Variants in GOLM2 observed in about 807,000 individuals in gnomAD.
The protein encoded by GOLM2 is golgi membrane protein 2.
GOLM2 carries 26 observed loss-of-function variants against 55.9 expected under a neutral mutation model. The ratio of observed to expected loss-of-function variants is 0.47; its 90% CI spans 0.34 to 0.65. GOLM2 has a LOEUF of 0.65. Ranked by LOEUF, GOLM2 falls within the 30% of genes least tolerant of loss-of-function variation. The pLI, the probability that GOLM2 is intolerant of heterozygous loss-of-function variation, is 0.01. For missense variants in GOLM2, 486 were observed against 531.8 expected (o/e 0.91, Z 0.85); for synonymous variants, 165 against 194.6 (o/e 0.85, Z 1.27).
At chr15:44,355,984 G>A (rs1412389492) in intron 6 of GOLM2, among the ~76,000 whole-genome samples, 1 of 151,990 alleles carries the variant, frequency 6.6e-6, no homozygotes, top group Non-Finnish European at 1.5e-5. Flanking sequence ...AATAATGCAT[G>A]GATCAAAGAA....
In GOLM2 at chr15:44,415,470, A is replaced by G. The variant is rs554174532; in HGVS notation, c.*2064A>G. 6.5e-6 allele frequency: 1 copy of G among 152,744 alleles called. No individual in the cohort carries two copies. The highest frequency in any genetic ancestry group is 1.9e-4 in the East Asian group (1 of 5,188). The allele number at this position is 152,744 out of a possible 1,614,324, so 9.5% of individuals were successfully genotyped here. On this transcript the variant is annotated 3_prime_UTR_variant, in exon 10 of 10. Transcript: ENST00000299957. ...TTGTAGCTATTACTTATACAGCAAC[A>G]TTTCTTCAATTAGCAGTCTAGACAT...
intron 1 of GOLM2, among the ~76,000 whole-genome samples, chr15:44,318,206 A>AT (rs1303091032): frequency 1.7e-4 from 26 of 151,862 alleles, no homozygotes; most frequent in Admixed American, 3.9e-4. Context: ...TCTTCTTTTG[A>AT]TTTTTTCCTT....
At chr15:44,319,005 C>T (rs1275641304) in intron 1 of GOLM2, among the ~76,000 whole-genome samples, 1 of 152,146 alleles carries the variant, frequency 6.6e-6, no homozygotes, top group African/African-American at 2.4e-5. Flanking sequence ...TCCTGCAGGA[C>T]TCATATCAGT....
chr15:44,292,650 G>C (rs2078729367), intron 1 of GOLM2, among the ~76,000 whole-genome samples: 1 of 152,110 alleles, frequency 6.6e-6, no homozygotes, highest in African/African-American at 2.4e-5. Flanking sequence ...ACAGCACTTG[G>C]TGTGCCACTT....
chr15:44,383,438 G>C (rs1036654583), intron 8 of GOLM2, among the ~76,000 whole-genome samples: 1 of 151,768 alleles, frequency 6.6e-6, no homozygotes, highest in Non-Finnish European at 1.5e-5. Flanking sequence ...TAAGTTTAGG[G>C]GTTTCTCTGT....
At chr15:44,385,060 A>T (rs1357481943) in intron 8 of GOLM2, among the ~76,000 whole-genome samples, 2 of 152,150 alleles carry the variant, frequency 1.3e-5, no homozygotes, top group East Asian at 3.9e-4. Context: ...AGTTGTATGG[A>T]TACATTTTGT....
intron 4 of GOLM2, among the ~76,000 whole-genome samples, chr15:44,334,759 CG>C (rs2079044854): frequency 6.6e-6 from 1 of 152,240 alleles, no homozygotes; most frequent in South Asian, 2.1e-4. Context: ...TAGCTGGGGG[CG>C]GTGGCTCACA....
rs557727414 is a variant in GOLM2, at chr15:44,383,131, A to G, written c.1072+2155A>G. On this transcript the variant is annotated intron_variant, in intron 8 of 9. Transcript: ENST00000299957. ...TATTCTGTATATATTATATACATAT[A>G]CAGAATATATGTATACATATACATA... Among the ~76,000 whole-genome samples, 10 of 151,188 alleles carry G rather than the reference A, an allele frequency of 6.6e-5. No homozygotes were observed. In the East Asian group the frequency reaches 1.7e-3, roughly 26 times the overall value.
chr15:44,332,525 A>C (rs921893819), intron 4 of GOLM2, among the ~76,000 whole-genome samples: 84 of 151,568 alleles, frequency 5.5e-4, no homozygotes, highest in East Asian at 2.7e-3. Context: ...ACACCACTGC[A>C]CTCCAGTCTG....
chr15:44,390,815 C>T (rs959510866), intron 8 of GOLM2, among the ~76,000 whole-genome samples: 9 of 152,010 alleles, frequency 5.9e-5, no homozygotes, highest in Non-Finnish European at 1.3e-4. Context: ...GTGATCCGCC[C>T]GCCTCAGCCT....
chr15:44,289,473 C>A lies in GOLM2; in HGVS notation c.327+117C>A. The A allele has an allele frequency of 1.1e-6, 1 of 909,136 alleles. No homozygotes were observed. The highest frequency in any genetic ancestry group is 1.6e-6 in the Non-Finnish European group (1 of 612,074). The allele number at this position is 909,136 out of a possible 1,614,324, so 56.3% of individuals were successfully genotyped here. A position where few individuals can be genotyped will look rare whatever the true frequency, so the allele number is the denominator to read the frequency against. The stretch of plus-strand genomic sequence containing the variant: ...CCTTCCAGTATTTCAGTCCTGAAGG[C>A]TCCTTTCACCCCCAACAACCCTGTT... On this transcript the variant is annotated intron_variant, in intron 1 of 9. Transcript: ENST00000299957. This position sits in a 1 kb window ranked among gnomAD's most constrained non-coding sequence, Gnocchi z 4.8.
intron 1 of GOLM2, chr15:44,308,092 A>T (rs1388776209): frequency 6.6e-6 from 1 of 152,208 alleles, no homozygotes; most frequent in Non-Finnish European, 1.5e-5. Context: ...TTACCATTTT[A>T]AGTGTATAAT....
At position 44,292,199 on chromosome 15, in the gene GOLM2, ATATT is replaced by A. The variant is rs1400689403; in HGVS notation, c.327+2845_327+2848del. On this transcript the variant is annotated intron_variant, in intron 1 of 9. Transcript: ENST00000299957. ...TGTATACATACATATATATATATATATATTTTTTTTTTTTTTTAGACAGAGTCTC... is the reference window on the plus strand; with the variant it reads ...TGTATACATACATATATATATATATATTTTTTTTTTTTTAGACAGAGTCTC... Among the ~76,000 whole-genome samples, 77 of 137,418 alleles carry A rather than the reference ATATT, an allele frequency of 5.6e-4. 1 individual carries two copies. The East Asian group carries it at 0.011, about 19-fold the overall frequency. The allele number at this position is 137,418 out of a possible 152,430, so 90.2% of individuals were successfully genotyped here.
chr15:44,307,172 G>A (rs2078843203), intron 1 of GOLM2: 1 of 154,480 alleles, frequency 6.5e-6, no homozygotes, highest in Admixed American at 6.6e-5. Context: ...TTATCATCAG[G>A]GACTTGTCTC....
intron 1 of GOLM2, among the ~76,000 whole-genome samples, chr15:44,296,190 A>T (rs994086278): frequency 3.3e-5 from 5 of 152,174 alleles, no homozygotes; most frequent in Admixed American, 1.3e-4. Context: ...AGTAGCTGAA[A>T]CTACAGGTGT....
intron 1 of GOLM2, among the ~76,000 whole-genome samples, chr15:44,319,133 T>C (rs1298691593): frequency 6.6e-6 from 1 of 152,212 alleles, no homozygotes; most frequent in Non-Finnish European, 1.5e-5. Flanking sequence ...TACGGTATTA[T>C]GATTGCCTAT....
chr15:44,337,671 A>G, intron 4 of GOLM2, 92 bp from the exon 5 acceptor site: 2 of 879,058 alleles, frequency 2.3e-6, no homozygotes, highest in East Asian at 2.9e-5. Context: ...ATGTTTTACA[A>G]GATGAACTGT....
chr15:44,371,399 T>C (rs1397207349), intron 6 of GOLM2, among the ~76,000 whole-genome samples: 1 of 152,092 alleles, frequency 6.6e-6, no homozygotes, highest in African/African-American at 2.4e-5. Flanking sequence ...AATAAATCCA[T>C]CTCTAAGTTT....
At position 44,402,415 on chromosome 15, in the gene GOLM2, C is replaced by T. The variant is rs137994276; in HGVS notation, c.1073-472C>T. Among the ~76,000 whole-genome samples the T allele has an allele frequency of 1.3e-4, 19 of 151,908 alleles. 1 individual carries two copies. In the East Asian group the frequency reaches 3.5e-3, roughly 28 times the overall value. ...CCATGTTTCCCAGGCTGGTCTCAAA[C>T]TCTTGAGCTCAAGCAATCCACCTAC... is the stretch of plus-strand genomic sequence containing the variant. On this transcript the variant is annotated intron_variant, in intron 8 of 9. Transcript: ENST00000299957.
Sources: gnomAD v4.1 joint callset for allele counts (sites outside exome capture counted in the v4.1 genomes callset) on GRCh38, gnomAD v4.1.1 for gene constraint, Gnocchi (gnomAD v3.1) non-coding constraint, MANE v1.5 for transcripts, NCBI Gene and HGNC (gene_info 2026-07-23, HGNC 2026-07-21) for gene names.